The following AGMO variants were observed in gnomAD, a reference collection of about 807,000 sequenced individuals.
AGMO encodes the protein glyceryl-ether monooxygenase.
A neutral mutation model predicts 60.2 loss-of-function variants in AGMO; 75 were observed. The observed-to-expected ratio is 1.25, with a 90% CI of 1.03 to 1.51. The LOEUF is 1.51. Among genes scored for constraint, AGMO ranks in the 40% most tolerant of loss-of-function variants. The probability of loss-of-function intolerance (pLI) is 0.00; values close to 1 mark genes in which losing one functional copy is unlikely to be tolerated. For missense variants in AGMO, 763 were observed against 525.5 expected (o/e 1.45, Z -4.42); for synonymous variants, 261 against 177.1 (o/e 1.47, Z -3.76).
Position 15,436,115 on chromosome 7 carries a change from AGT to A in AGMO, c.410-5009_410-5008del, listed in dbSNP as rs369453895. Reference sequence around the variant, plus strand: ...ATTATAGGCCTATTTGCAAAATGGTAGTGATGCTTGACACCACTGAAATCATA... The same window carrying A: ...ATTATAGGCCTATTTGCAAAATGGTAGATGCTTGACACCACTGAAATCATA... On this transcript the variant is annotated intron_variant, in intron 3 of 12. Coordinates refer to ENST00000342526, the MANE Select transcript of AGMO (RefSeq NM_001004320.2). Among the ~76,000 whole-genome samples the A allele has an allele frequency of 2.6e-4, 40 of 152,314 alleles. No homozygotes were observed. The East Asian group carries it at 6.2e-3, about 23-fold the overall frequency.
the AGMO span, among the ~76,000 whole-genome samples, chr7:15,158,432 TA>T: frequency 6.6e-6 from 1 of 152,188 alleles, no homozygotes; most frequent in African/African-American, 2.4e-5. Flanking sequence ...TTAAAAGGTG[TA>T]ACAACAACAA....
chr7:15,123,933 T>C, the AGMO span, among the ~76,000 whole-genome samples: 1 of 152,092 alleles, frequency 6.6e-6, no homozygotes, highest in Non-Finnish European at 1.5e-5. Context: ...AGATAACTTT[T>C]TGTAGCACTT....
At chr7:15,267,796 T>C (rs1184956800) in intron 12 of AGMO, among the ~76,000 whole-genome samples, 1 of 151,974 alleles carries the variant, frequency 6.6e-6, no homozygotes, top group Non-Finnish European at 1.5e-5. Flanking sequence ...AAGTTAACAC[T>C]TTAGGTCTTG....
intron 12 of AGMO, among the ~76,000 whole-genome samples, chr7:15,278,579 A>G (rs1053653683): frequency 1.8e-4 from 28 of 152,058 alleles, no homozygotes; most frequent in African/African-American, 6.3e-4. Context: ...TGGGAGCTCT[A>G]GCGCGTTTCA....
chr7:15,444,801 C>G (rs1342180948), intron 3 of AGMO, among the ~76,000 whole-genome samples: 1 of 152,194 alleles, frequency 6.6e-6, no homozygotes, highest in African/African-American at 2.4e-5. Context: ...GTATCTGCAG[C>G]TCTCTGTTGA....
intron 12 of AGMO, among the ~76,000 whole-genome samples, chr7:15,289,623 T>C (rs998243917): frequency 2.0e-5 from 3 of 151,988 alleles, no homozygotes; most frequent in Non-Finnish European, 4.4e-5. Flanking sequence ...ATAATAGATA[T>C]TATAAGTTTA....
intron 10 of AGMO, among the ~76,000 whole-genome samples, chr7:15,382,828 A>G (rs1270588848): frequency 6.6e-6 from 1 of 152,150 alleles, no homozygotes; most frequent in East Asian, 1.9e-4. Flanking sequence ...ATGTTATCCT[A>G]CAGGCATTTT....
intron 3 of AGMO, among the ~76,000 whole-genome samples, chr7:15,512,071 G>A (rs1289243951): frequency 6.6e-6 from 1 of 151,250 alleles, no homozygotes; most frequent in Non-Finnish European, 1.5e-5. Flanking sequence ...ATTTTAATAA[G>A]ATAACTATGA....
chr7:15,344,073 A>G (rs1468535000), intron 12 of AGMO, among the ~76,000 whole-genome samples: 2 of 152,182 alleles, frequency 1.3e-5, no homozygotes, highest in Non-Finnish European at 2.9e-5. Context: ...ATAAATTAAA[A>G]TGTAAAATTC....
intron 12 of AGMO, among the ~76,000 whole-genome samples, chr7:15,333,095 C>T (rs761157819): frequency 1.2e-4 from 19 of 152,026 alleles, no homozygotes; most frequent in Non-Finnish European, 2.1e-4. Flanking sequence ...TAATATCCTG[C>T]GCTAATGTGA....
At chr7:15,347,791 G>A (rs1011601562) in intron 12 of AGMO, among the ~76,000 whole-genome samples, 1 of 152,012 alleles carries the variant, frequency 6.6e-6, no homozygotes, top group Non-Finnish European at 1.5e-5. Context: ...TTTAGCTTAT[G>A]ACTCCTGAGA....
intron 12 of AGMO, among the ~76,000 whole-genome samples, chr7:15,233,419 C>G (rs1483843691): frequency 1.3e-5 from 2 of 152,038 alleles, no homozygotes; most frequent in Non-Finnish European, 2.9e-5. Flanking sequence ...AAACACAGCC[C>G]TCTCCAGGGA....
intron 10 of AGMO, among the ~76,000 whole-genome samples, chr7:15,367,175 T>C (rs368954478): frequency 2.0e-4 from 31 of 152,118 alleles, no homozygotes; most frequent in Non-Finnish European, 8.8e-5. Context: ...TGTACTTTTC[T>C]TTAGGAAAAA....
chr7:15,220,408 T>C (rs140929318), intron 12 of AGMO, among the ~76,000 whole-genome samples: 1 of 151,152 alleles, frequency 6.6e-6, no homozygotes, highest in African/African-American at 2.4e-5. Flanking sequence ...TAGTAGAGAC[T>C]GGGTTTCAAT....
intron 3 of AGMO, among the ~76,000 whole-genome samples, chr7:15,454,420 G>A (rs1781944713): frequency 6.6e-6 from 1 of 151,560 alleles, no homozygotes; most frequent in Non-Finnish European, 1.5e-5. Flanking sequence ...TATGTGGAGA[G>A]ACAGATATGT....
chr7:15,247,262 A>G (rs1410095050), intron 12 of AGMO, among the ~76,000 whole-genome samples: 1 of 147,722 alleles, frequency 6.8e-6, no homozygotes, highest in Non-Finnish European at 1.5e-5. Context: ...AATTATATGT[A>G]TTTATATTTA....
chr7:15,466,102 A>T (rs1381917941), intron 3 of AGMO, among the ~76,000 whole-genome samples: 1 of 152,112 alleles, frequency 6.6e-6, no homozygotes, highest in Non-Finnish European at 1.5e-5. Flanking sequence ...TCTGAAGCCT[A>T]CTCTCTAGCC....
In AGMO at chr7:15,560,122, T is replaced by C. The variant is rs1393441643; in HGVS notation, c.257+19A>G. 1 of 1,593,776 alleles carries C rather than the reference T, an allele frequency of 6.3e-7. No individual in the cohort carries two copies. The highest frequency in any genetic ancestry group is 8.6e-7 in the Non-Finnish European group (1 of 1,166,280). ...CAATTTCAGTTTTTATGCTCAGCGT[T>C]GTTGACCATCTAACTCACCTTGGAA... On this transcript the variant is annotated intron_variant, in intron 2 of 12. Coordinates refer to ENST00000342526, the MANE Select transcript of AGMO (RefSeq NM_001004320.2).
At chr7:15,533,511 T>C (rs1784417385) in intron 3 of AGMO, among the ~76,000 whole-genome samples, 1 of 152,180 alleles carries the variant, frequency 6.6e-6, no homozygotes, top group African/African-American at 2.4e-5. Context: ...AAATATCCTC[T>C]ACTCAACCTC....
Sources: gnomAD v4.1 joint callset for allele counts (sites outside exome capture counted in the v4.1 genomes callset) on GRCh38, gnomAD v4.1.1 for gene constraint, MANE v1.5 for transcripts, NCBI Gene and HGNC (gene_info 2026-07-23, HGNC 2026-07-21) for gene names.